ABCA12: variants seen among roughly 807,000 people sequenced by gnomAD.
ABCA12 encodes glucosylceramide transporter ABCA12.
Under a neutral mutation model 293.5 loss-of-function variants are expected in ABCA12, and 156 were observed. The observed-to-expected ratio is 0.53, with a 90% CI of 0.47 to 0.61. The LOEUF (loss-of-function observed/expected upper bound fraction) is 0.61. ABCA12 is among the 20% of genes least tolerant of loss of function. The probability of loss-of-function intolerance (pLI) is 0.00; values close to 1 mark genes in which losing one functional copy is unlikely to be tolerated. For synonymous variants in ABCA12, 1,063 were observed against 1,108.0 expected (o/e 0.96, Z 0.81); for missense variants, 2,797 against 3,090.2 (o/e 0.91, Z 2.25).
chr2:215,019,009 A>G (rs1394346707), intron 13 of ABCA12, among the ~76,000 whole-genome samples: 1 of 152,252 alleles, frequency 6.6e-6, no homozygotes, highest in African/African-American at 2.4e-5. Context: ...ATTTTCACAG[A>G]AGCAAGTAAA....
intron 7 of ABCA12, among the ~76,000 whole-genome samples, chr2:215,044,015 TG>T (rs1039046132): frequency 6.6e-6 from 1 of 152,114 alleles, no homozygotes; most frequent in Non-Finnish European, 1.5e-5. Flanking sequence ...TTATTTTTAT[TG>T]TTGTGTTGTA....
At chr2:215,029,612 C>A (rs1330645039) in intron 9 of ABCA12, among the ~76,000 whole-genome samples, 1 of 151,986 alleles carries the variant, frequency 6.6e-6, no homozygotes, top group Non-Finnish European at 1.5e-5. Context: ...CTAGAATTGA[C>A]CTTGATAAGG....
chr2:215,089,958 A>G (rs1397518821), intron 2 of ABCA12, among the ~76,000 whole-genome samples: 1 of 152,160 alleles, frequency 6.6e-6, no homozygotes, highest in East Asian at 1.9e-4. Context: ...TCTGAGCCCA[A>G]GCCTGCCTGT....
chr2:215,076,692 A>G (rs1455864857), intron 2 of ABCA12, among the ~76,000 whole-genome samples: 1 of 152,226 alleles, frequency 6.6e-6, no homozygotes, highest in African/African-American at 2.4e-5. Flanking sequence ...ATAAAAGAAT[A>G]TCCATTATGG....
intron 2 of ABCA12, among the ~76,000 whole-genome samples, chr2:215,068,063 T>C (rs1701669179): frequency 6.6e-6 from 1 of 152,172 alleles, no homozygotes; most frequent in Admixed American, 6.6e-5. Context: ...AAAGAATCTA[T>C]TCTGAACACT....
At chr2:215,052,882 A>G (rs1213811904) in intron 4 of ABCA12, among the ~76,000 whole-genome samples, 1 of 152,106 alleles carries the variant, frequency 6.6e-6, no homozygotes, top group African/African-American at 2.4e-5. Flanking sequence ...TTATTGCCCA[A>G]TAAACCGAAT....
chr2:215,137,162 G>C (rs1223086306), intron 1 of ABCA12, among the ~76,000 whole-genome samples: 1 of 152,036 alleles, frequency 6.6e-6, no homozygotes, highest in East Asian at 1.9e-4. Flanking sequence ...ATTCACAAGG[G>C]TAAATGAACA....
intron 3 of ABCA12, among the ~76,000 whole-genome samples, chr2:215,058,911 A>G (rs1272343136): frequency 2.0e-5 from 3 of 152,050 alleles, no homozygotes; most frequent in African/African-American, 7.2e-5. Flanking sequence ...ACGTTCAGGA[A>G]ATGTCACATT....
intron 34 of ABCA12, 81 bp from the exon 35 acceptor site, chr2:214,974,945 T>C (rs1699477121): frequency 1.6e-6 from 2 of 1,272,042 alleles, no homozygotes; most frequent in Non-Finnish European, 2.3e-6. Context: ...AGAAATGAAA[T>C]GTGCTGTATA....
At chr2:215,091,142 C>T (rs1345037478) in intron 2 of ABCA12, among the ~76,000 whole-genome samples, 7 of 152,078 alleles carry the variant, frequency 4.6e-5, no homozygotes, top group Non-Finnish European at 8.8e-5. Flanking sequence ...TTCTTTCTCT[C>T]CTGTCTGTTC....
At chr2:215,115,033 A>G (rs539990241) in intron 1 of ABCA12, among the ~76,000 whole-genome samples, 1 of 152,240 alleles carries the variant, frequency 6.6e-6, no homozygotes, top group South Asian at 2.1e-4. Flanking sequence ...TTTCATGAGG[A>G]TGTTTTGGTG....
At chr2:214,997,519 G>A (rs1391257561) in intron 23 of ABCA12, among the ~76,000 whole-genome samples, 176 bp downstream of exon 23, 3 of 152,104 alleles carry the variant, frequency 2.0e-5, no homozygotes, top group Non-Finnish European at 4.4e-5. Context: ...GTCACTTTTT[G>A]AGAAAATAAA....
At chr2:215,040,785 C>G (rs574456277) in intron 7 of ABCA12, among the ~76,000 whole-genome samples, 4 of 152,064 alleles carry the variant, frequency 2.6e-5, no homozygotes, top group African/African-American at 9.7e-5. Context: ...GCACTCCAGA[C>G]TGGGCCACAG....
At chr2:215,009,484 ATTGT>A (rs1467949468) in intron 18 of ABCA12, among the ~76,000 whole-genome samples, 1 of 152,172 alleles carries the variant, frequency 6.6e-6, no homozygotes, top group Non-Finnish European at 1.5e-5. Context: ...TCAACAAATA[ATTGT>A]TTATTTAAAT....
intron 13 of ABCA12, 96 bp from the exon 14 acceptor site, chr2:215,018,228 A>C: frequency 6.7e-7 from 1 of 1,488,052 alleles, no homozygotes; most frequent in Non-Finnish European, 9.1e-7. Flanking sequence ...AGACTAAGAC[A>C]TACGTGCCTT....
chr2:215,053,942 C>T (rs73074422), intron 4 of ABCA12, among the ~76,000 whole-genome samples: 9,023 of 152,034 alleles, frequency 0.059, 888 homozygotes, highest in African/African-American at 0.2. Flanking sequence ...GAATCACTCG[C>T]ACCTAAGGCT....
chr2:215,045,445 A>G (rs1701182696), intron 7 of ABCA12, among the ~76,000 whole-genome samples: 1 of 152,194 alleles, frequency 6.6e-6, no homozygotes, highest in South Asian at 2.1e-4. Context: ...ATGGTACCAA[A>G]CAAAACTCAC....
Position 214,954,060 on chromosome 2 carries a change from G to GA in ABCA12, c.6440dup (p.Gln2149ThrfsTer10). 6.2e-7 allele frequency: 1 copy of GA among 1,613,972 alleles called. No individual in the cohort carries two copies. The highest frequency in any genetic ancestry group is 8.5e-7 in the Non-Finnish European group (1 of 1,179,962). On this transcript the variant is annotated frameshift_variant, in exon 44 of 53. Coordinates refer to ENST00000272895, the MANE Select transcript of ABCA12 (RefSeq NM_173076.3). LOFTEE classifies it high-confidence loss of function. ...AACCGTAGCCAAAACAGAATTGTGG[G>GA]AAAATCAGGAAAATGCGCTTGAGGG...
chr2:214,966,228 C>A (rs1045563988), intron 39 of ABCA12, among the ~76,000 whole-genome samples: 2 of 151,992 alleles, frequency 1.3e-5, no homozygotes, highest in African/African-American at 4.8e-5. Context: ...CACACTGGGG[C>A]CTGTCAGAGC....
Sources: allele counts gnomAD v4.1 joint callset (sites outside exome capture counted in the v4.1 genomes callset), GRCh38; gene constraint gnomAD v4.1.1; transcripts MANE v1.5; gene names NCBI Gene and HGNC (gene_info 2026-07-23, HGNC 2026-07-21).